Variants in MUCL1 observed in about 807,000 individuals in gnomAD.
MUCL1 encodes the protein mucin-like protein 1.
Under a neutral mutation model 9.2 loss-of-function variants are expected in MUCL1, and 11 were observed. The ratio of observed to expected loss-of-function variants is 1.19; its 90% CI spans 0.75 to 1.97. MUCL1 has a LOEUF of 1.97. Ranked by LOEUF, MUCL1 falls within the 30% of genes most tolerant of loss-of-function variation. The probability of loss-of-function intolerance (pLI) is 0.00; values close to 1 mark genes in which losing one functional copy is unlikely to be tolerated. For synonymous variants in MUCL1, 48 were observed against 40.5 expected (o/e 1.19, Z -0.71); for missense variants, 144 against 110.9 (o/e 1.30, Z -1.34).
chr12:54,838,066 T>C (rs1427059174), upstream of MUCL1, among the ~76,000 whole-genome samples: 1 of 152,232 alleles, frequency 6.6e-6, no homozygotes, highest in East Asian at 1.9e-4. Flanking sequence ...TTCTGGTGCA[T>C]ATCCATCTTT....
chr12:54,841,834 TG>T (rs745704428), intron 1 of MUCL1, among the ~76,000 whole-genome samples: 123 of 152,334 alleles, frequency 8.1e-4, no homozygotes, highest in Non-Finnish European at 1.5e-3. Flanking sequence ...CATTTATTTT[TG>T]CTTTTGTTGC....
chr12:54,842,602 G>T (rs1357741485), intron 1 of MUCL1, among the ~76,000 whole-genome samples: 3 of 151,986 alleles, frequency 2.0e-5, no homozygotes, highest in Non-Finnish European at 4.4e-5. Context: ...TCACCATTTT[G>T]TACAGTAGAT....
intron 1 of MUCL1, chr12:54,839,464 T>C: frequency 4.3e-6 from 3 of 701,698 alleles, no homozygotes; most frequent in Non-Finnish European, 5.2e-6. Context: ...AAATGCGACA[T>C]CCAATTGTGG....
At chr12:54,853,296 T>A (rs1349909), upstream of MUCL1, among the ~76,000 whole-genome samples, 24 of 152,086 alleles carry the variant, frequency 1.6e-4, no homozygotes, top group East Asian at 1.2e-3. Flanking sequence ...CTTTGAGGCC[T>A]CAGTTGGGTC....
Position 54,845,366 on chromosome 12 carries a change from G to A in MUCL1, c.43+5919G>A, listed in dbSNP as rs12828526. Among the ~76,000 whole-genome samples, 509 of 152,250 alleles carry A rather than the reference G, an allele frequency of 3.3e-3. 2 individuals carry two copies. The highest frequency in any genetic ancestry group is 5.5e-3 in the Non-Finnish European group (373 of 68,010). On this transcript the variant is annotated intron_variant, in intron 1 of 3. Coordinates refer to the MUCL1 transcript ENST00000546809. ...AGGTAACACTCAAATTTGTCTCCCC[G>A]AGCTGTGGTCTTGGGGCAGGTTTTA...
At chr12:54,855,188 C>T in intron 2 of MUCL1, 31 bp downstream of exon 2, 11 of 1,602,824 alleles carry the variant, frequency 6.9e-6, no homozygotes, top group Non-Finnish European at 8.5e-6. Flanking sequence ...CATCTCTTTC[C>T]AGCAATAACC....
intron 1 of MUCL1, among the ~76,000 whole-genome samples, chr12:54,834,082 A>T (rs1188297016): frequency 6.6e-6 from 1 of 152,118 alleles, no homozygotes; most frequent in Non-Finnish European, 1.5e-5. Flanking sequence ...TATTCATTGT[A>T]GTTTAATTCA....
At chr12:54,842,494 T>C (rs920374878) in intron 1 of MUCL1, among the ~76,000 whole-genome samples, 19 of 152,124 alleles carry the variant, frequency 1.2e-4, no homozygotes, top group African/African-American at 4.3e-4. Context: ...CATACTTATC[T>C]TTTTTTGTAA....
At chr12:54,844,594 CT>C (rs1287006492) in intron 1 of MUCL1, among the ~76,000 whole-genome samples, 1 of 152,168 alleles carries the variant, frequency 6.6e-6, no homozygotes, top group Non-Finnish European at 1.5e-5. Context: ...TTAACTAGAT[CT>C]AGCAGTTCAT....
intron 2 of MUCL1, among the ~76,000 whole-genome samples, chr12:54,855,653 C>A (rs1016475858): frequency 6.6e-6 from 1 of 152,156 alleles, no homozygotes; most frequent in African/African-American, 2.4e-5. Context: ...TCCTTATTCC[C>A]AGGCTGATGT....
intron 3 of MUCL1, among the ~76,000 whole-genome samples, 178 bp downstream of exon 3, chr12:54,857,070 T>C (rs561770597): frequency 6.6e-6 from 1 of 152,208 alleles, no homozygotes; most frequent in African/African-American, 2.4e-5. Flanking sequence ...GTCAGGAGGT[T>C]ACCTGACTCC....
At chr12:54,834,380 A>C (rs181105256), upstream of MUCL1, among the ~76,000 whole-genome samples, 57 of 152,154 alleles carry the variant, frequency 3.7e-4, no homozygotes, top group Admixed American at 2.5e-3. Context: ...TATATTTGTG[A>C]ATTACCTTCT....
At chr12:54,854,796 T>C (rs1868287162) in intron 1 of MUCL1, among the ~76,000 whole-genome samples, 156 bp downstream of exon 1, 1 of 152,206 alleles carries the variant, frequency 6.6e-6, no homozygotes, top group South Asian at 2.1e-4. Context: ...ATGGAGATGG[T>C]TATCCTTAGG....
At chr12:54,851,460 C>A (rs1321107506), upstream of MUCL1, among the ~76,000 whole-genome samples, 1 of 152,114 alleles carries the variant, frequency 6.6e-6, no homozygotes, top group Non-Finnish European at 1.5e-5. Context: ...ATTCAACAAC[C>A]CTTCGTGCTA....
At chr12:54,848,102 G>C (rs1433742658) in intron 1 of MUCL1, among the ~76,000 whole-genome samples, 1 of 137,662 alleles carries the variant, frequency 7.3e-6, no homozygotes. Flanking sequence ...CTTGTTTGTT[G>C]AAACTCAGCT....
chr12:54,850,730 G>A (rs1172145733), upstream of MUCL1, among the ~76,000 whole-genome samples: 1 of 152,164 alleles, frequency 6.6e-6, no homozygotes, highest in Non-Finnish European at 1.5e-5. Flanking sequence ...TTGAGGAATT[G>A]CCACACTGAC....
upstream of MUCL1, among the ~76,000 whole-genome samples, chr12:54,850,828 C>T (rs529966102): frequency 2.6e-5 from 4 of 152,260 alleles, no homozygotes; most frequent in African/African-American, 9.6e-5. Flanking sequence ...CCTGTTGTTT[C>T]CTGACTTTTT....
chr12:54,852,054 T>C (rs1224949759), upstream of MUCL1, among the ~76,000 whole-genome samples: 2 of 152,150 alleles, frequency 1.3e-5, no homozygotes, highest in Non-Finnish European at 2.9e-5. Context: ...GTTGGAAGAA[T>C]CAATATTGTG....
chr12:54,842,508 GA>G (rs941522747), intron 1 of MUCL1, among the ~76,000 whole-genome samples: 16 of 151,952 alleles, frequency 1.1e-4, no homozygotes, highest in African/African-American at 3.9e-4. Flanking sequence ...TTTGTAATGA[GA>G]ACCCTTAAAA....
Sources: allele counts gnomAD v4.1 joint callset (sites outside exome capture counted in the v4.1 genomes callset), GRCh38; gene constraint gnomAD v4.1.1; transcripts MANE v1.5; gene names NCBI Gene and HGNC (gene_info 2026-07-23, HGNC 2026-07-21).